Variants in SLIT1 observed in about 807,000 individuals in gnomAD.
The protein encoded by SLIT1 is slit homolog 1 protein.
In SLIT1, 66 loss-of-function variants were observed where a neutral mutation model predicts 186.1. The ratio of observed to expected loss-of-function variants is 0.35; its 90% confidence interval spans 0.29 to 0.44. SLIT1 has a LOEUF of 0.44. SLIT1 is among the 20% of genes least tolerant of loss of function. SLIT1 has a pLI of 1.00. For synonymous variants in SLIT1, 761 were observed against 833.8 expected, an observed-to-expected ratio of 0.91 and a Z score of 1.50; for missense variants, 1,638 against 2,037.4, an observed-to-expected ratio of 0.80 and a Z score of 3.77.
At position 97,065,793 on chromosome 10, in the gene SLIT1, G is replaced by A. The variant is rs77626980; in HGVS notation, c.485+222C>T. 1,757 of 507,060 alleles carry A rather than the reference G, an allele frequency of 3.5e-3. 4 individuals are homozygous for A. Among genetic ancestry groups the A allele is most frequent in the Non-Finnish European group, 5.0e-3 (1,389 of 278,902 alleles). 31.4% of individuals were successfully genotyped at this position (507,060 alleles called of 1,614,324 possible). On this transcript the variant is annotated intron_variant, in intron 5 of 36. Transcript: ENST00000266058. ...CACCAGGTCCCCAAGGGCCCCCTCC[G>A]TTGGCTCTCATATGGAATCACAACC... is the stretch of plus-strand genomic sequence containing the variant.
At chr10:97,073,545 C>T (rs2134647881) in intron 4 of SLIT1, among the ~76,000 whole-genome samples, 1 of 152,336 alleles carries the variant, frequency 6.6e-6, no homozygotes, top group African/African-American at 2.4e-5. Context: ...GGCACCATGA[C>T]AGATCCCCAG....
rs1255648850 is a variant in SLIT1 at position 97,185,502 on chromosome 10, T to C, written c.173A>G (p.Asn58Ser). 5.6e-6 allele frequency: 9 copies of C among 1,612,260 alleles called. No homozygotes were observed. The highest frequency in any genetic ancestry group is 7.6e-6 in the Non-Finnish European group (9 of 1,179,694). ...CAGGCGCTCGGTGTTCCGAGGTATA[T>C]TCTTGGGAATGGCCTGCAGCCCCGT... is the stretch of plus-strand genomic sequence containing the variant. ...HGTGLQAIPK[N>S]IPRNTERLEL... Residue 58 changes from asparagine (N) to serine (S), a missense_variant, in exon 1 of 37, where the codon AAT becomes AGT. Physicochemically the swap from Asn to Ser is conservative, Grantham distance 46 (BLOSUM62 1). This residue lies in a region of SLIT1 where 1,245 missense variants were observed against 1,535.3 expected (regional missense o/e 0.81). Transcript: ENST00000266058.
chr10:97,071,224 C>G (rs1848998354), intron 4 of SLIT1, among the ~76,000 whole-genome samples: 1 of 152,208 alleles, frequency 6.6e-6, no homozygotes, highest in South Asian at 2.1e-4. Context: ...AAGACAGACA[C>G]AGCCTGCCAC....
chr10:97,041,353 T>C (rs2134620307), intron 20 of SLIT1, among the ~76,000 whole-genome samples: 1 of 151,548 alleles, frequency 6.6e-6, no homozygotes, highest in South Asian at 2.1e-4. Context: ...CAAGATCCTC[T>C]GTGTGCCACA....
intron 4 of SLIT1, among the ~76,000 whole-genome samples, chr10:97,107,523 A>G (rs1849425875): frequency 6.6e-6 from 1 of 152,198 alleles, no homozygotes; most frequent in African/African-American, 2.4e-5. Context: ...CCTTTTGGTC[A>G]TGGACCAATT....
chr10:97,068,687 C>A lies in SLIT1; in HGVS notation c.414-2601G>T, dbSNP rs544761971. On this transcript the variant is annotated intron_variant, in intron 4 of 36. Coordinates refer to ENST00000266058, the MANE Select transcript of SLIT1 (RefSeq NM_003061.3). This position sits in a 1 kb window ranked among gnomAD's most constrained non-coding sequence, Gnocchi z 4.2. ...GGGGGAAGCTTCCTCCTCCCGCACT[C>A]GCCCGGCCCCACCTTCCCTTCCTGC... is the stretch of plus-strand genomic sequence containing the variant. Among the ~76,000 whole-genome samples, 1 of 152,306 alleles carries A rather than the reference C, an allele frequency of 6.6e-6. No individual in the cohort carries two copies. The highest frequency in any genetic ancestry group is 2.4e-5 in the African/African-American group (1 of 41,568).
chr10:97,131,673 A>G (rs1849655719), intron 4 of SLIT1, among the ~76,000 whole-genome samples: 1 of 152,212 alleles, frequency 6.6e-6, no homozygotes, highest in African/African-American at 2.4e-5. Context: ...GAACTTCCTG[A>G]AGGTCTCTTG....
At chr10:97,070,650 C>T (rs1848993820) in intron 4 of SLIT1, among the ~76,000 whole-genome samples, 1 of 152,192 alleles carries the variant, frequency 6.6e-6, no homozygotes, top group Admixed American at 6.5e-5. Flanking sequence ...CCGCAGAGAG[C>T]TGCCTTGCCC....
chr10:97,035,106 TCTGACACAA>T (rs1199726989), intron 22 of SLIT1, among the ~76,000 whole-genome samples: 1 of 145,078 alleles, frequency 6.9e-6, no homozygotes, highest in Non-Finnish European at 1.5e-5. Context: ...ACCTGTGGCA[TCTGACACAA>T]CTGATCTCTC....
intron 11 of SLIT1, 68 bp downstream of exon 11, chr10:97,059,392 C>T: frequency 7.6e-7 from 1 of 1,319,978 alleles, no homozygotes; most frequent in South Asian, 1.2e-5. Context: ...CCACCAGGAC[C>T]CTGGGCCCTG....
intron 4 of SLIT1, among the ~76,000 whole-genome samples, chr10:97,098,613 G>A (rs1849316485): frequency 6.6e-6 from 1 of 152,236 alleles, no homozygotes; most frequent in Non-Finnish European, 1.5e-5. Flanking sequence ...CAAGGCCTTT[G>A]AATGCCATGT....
chr10:97,164,286 G>C (rs1448352041), intron 2 of SLIT1, among the ~76,000 whole-genome samples: 1 of 152,220 alleles, frequency 6.6e-6, no homozygotes, highest in Non-Finnish European at 1.5e-5. Flanking sequence ...GCAGGGCAGG[G>C]GGGGGAACCG....
chr10:97,168,430 AT>A (rs1281420328), intron 1 of SLIT1, among the ~76,000 whole-genome samples: 2 of 152,244 alleles, frequency 1.3e-5, no homozygotes, highest in Non-Finnish European at 2.9e-5. Flanking sequence ...TATATAGTTA[AT>A]TCAACAAATG....
chr10:97,134,953 C>T (rs1849688153), intron 4 of SLIT1, among the ~76,000 whole-genome samples: 1 of 152,208 alleles, frequency 6.6e-6, no homozygotes, highest in Non-Finnish European at 1.5e-5. Context: ...CACATTGACT[C>T]ACATCCCCAA....
chr10:97,095,503 G>A (rs1168007028), intron 4 of SLIT1, among the ~76,000 whole-genome samples: 1 of 152,136 alleles, frequency 6.6e-6, no homozygotes, highest in African/African-American at 2.4e-5. Flanking sequence ...GGGACAAGCG[G>A]GGAGAAGCTA....
intron 10 of SLIT1, among the ~76,000 whole-genome samples, chr10:97,059,755 T>G (rs902786222): frequency 6.6e-6 from 1 of 152,188 alleles, no homozygotes; most frequent in African/African-American, 2.4e-5. Context: ...TGGGAAGTTA[T>G]GGACAAAGCT....
intron 1 of SLIT1, among the ~76,000 whole-genome samples, chr10:97,178,817 T>C (rs1228127156): frequency 6.6e-6 from 1 of 151,740 alleles, no homozygotes; most frequent in East Asian, 1.9e-4. Context: ...GTGTGTGTGA[T>C]TATGATAAAG....
intron 4 of SLIT1, among the ~76,000 whole-genome samples, chr10:97,121,504 G>A (rs550784065): frequency 2.0e-5 from 3 of 152,304 alleles, no homozygotes; most frequent in East Asian, 3.9e-4. Context: ...GTAATTCTGC[G>A]AGGTCACCAT....
chr10:97,141,841 G>A (rs1282839558), intron 4 of SLIT1, among the ~76,000 whole-genome samples: 1 of 152,064 alleles, frequency 6.6e-6, no homozygotes. Flanking sequence ...CATGCAGGTT[G>A]AAATGCAGTG....
Sources: allele counts gnomAD v4.1 joint callset (sites outside exome capture counted in the v4.1 genomes callset), GRCh38; gene constraint gnomAD v4.1.1; regional missense constraint gnomAD v4.1.1; non-coding constraint Gnocchi (gnomAD v3.1); transcripts MANE v1.5; gene names NCBI Gene and HGNC (gene_info 2026-07-23, HGNC 2026-07-21).